Variants in CBY2 observed in about 807,000 individuals in gnomAD.
The protein encoded by CBY2 is protein chibby homolog 2.
Under a neutral mutation model 25.3 loss-of-function variants are expected in CBY2, and 23 were observed. The ratio of observed to expected loss-of-function variants is 0.91; its 90% CI spans 0.65 to 1.29. The LOEUF is 1.29. CBY2 is among the 50% of genes most tolerant of loss of function. CBY2 has a pLI of 0.00. For synonymous variants in CBY2, 279 were observed against 260.2 expected, an observed-to-expected ratio of 1.07 and a Z score of -0.70; for missense variants, 642 against 590.7, an observed-to-expected ratio of 1.09 and a Z score of -0.90.
At chr13:45,703,358 GC>G in intron 2 of CBY2, 1 of 1,434,650 alleles carries the variant, frequency 7.0e-7, no homozygotes, top group Non-Finnish European at 9.1e-7. Flanking sequence ...GGGCATAGAT[GC>G]TTTTTCAGTC....
intron 2 of CBY2, chr13:45,703,385 T>G (rs1950222184): frequency 6.9e-7 from 1 of 1,449,222 alleles, no homozygotes; most frequent in South Asian, 1.5e-5. Flanking sequence ...ATTGGTGAAG[T>G]CCTCACAGGC....
intron 2 of CBY2, among the ~76,000 whole-genome samples, chr13:45,708,170 T>C (rs6561249): frequency 0.048 from 7,383 of 152,242 alleles, 601 homozygotes; most frequent in African/African-American, 0.17. Flanking sequence ...ATTTCAAAAA[T>C]ATATGGGTTG....
rs988541347 is a variant in CBY2, at chr13:45,704,568, T to G, written c.156+1713T>G. Among the ~76,000 whole-genome samples, 1 of 152,086 alleles carries G rather than the reference T, an allele frequency of 6.6e-6. No homozygotes were observed. Among genetic ancestry groups the G allele is most frequent in the Non-Finnish European group, 1.5e-5 (1 of 68,012 alleles). ...CCACCAGGCCTGCGAGAGGGACCAGTGTGCTCACTCTACCTCCCTAAATGA... is the reference window on the plus strand; with the variant it reads ...CCACCAGGCCTGCGAGAGGGACCAGGGTGCTCACTCTACCTCCCTAAATGA... On this transcript the variant is annotated intron_variant, in intron 2 of 2. Coordinates refer to ENST00000310521, the MANE Select transcript of CBY2 (RefSeq NM_152719.3). This position sits in a 1 kb window ranked among gnomAD's most constrained non-coding sequence, Gnocchi z 4.1.
Position 45,713,356 on chromosome 13 carries a change from G to C in CBY2, c.331G>C (p.Asp111His), listed in dbSNP as rs534915627. 1.2e-6 allele frequency: 2 copies of C among 1,614,156 alleles called. No homozygotes were observed. The highest frequency in any genetic ancestry group is 4.5e-5 in the East Asian group (2 of 44,886). ...DPMERPMSQA[D>H]LELDYNPPRV... ...CATGGAGCGCCCCATGTCCCAGGCC[G>C]ACCTGGAGCTGGACTACAACCCGCC... The change falls in exon 3 of 3, where the codon GAC becomes CAC. Residue 111 changes from aspartate to histidine, a missense_variant. Physicochemically the swap from Asp to His is moderately conservative, Grantham distance 81. Coordinates refer to ENST00000310521, the MANE Select transcript of CBY2 (RefSeq NM_152719.3). The surrounding 1 kb of genome is among the most constrained non-coding windows in gnomAD (Gnocchi z 5.0).
At chr13:45,712,922 T>TAG (rs1351926429) in intron 2 of CBY2, among the ~76,000 whole-genome samples, 1 of 152,226 alleles carries the variant, frequency 6.6e-6, no homozygotes, top group Non-Finnish European at 1.5e-5. Flanking sequence ...CACAGGAACA[T>TAG]AGCCCTCTAT....
chr13:45,711,384 G>A (rs1161266006), intron 2 of CBY2, among the ~76,000 whole-genome samples: 1 of 152,104 alleles, frequency 6.6e-6, no homozygotes. Context: ...AATGTTGGAA[G>A]GTGCCTTTAA....
At chr13:45,705,398 C>T (rs1190928128) in intron 2 of CBY2, among the ~76,000 whole-genome samples, 1 of 152,234 alleles carries the variant, frequency 6.6e-6, no homozygotes, top group Non-Finnish European at 1.5e-5. Flanking sequence ...CAATAGCACC[C>T]TCCGGTGCCT....
intron 2 of CBY2, among the ~76,000 whole-genome samples, chr13:45,710,013 C>T (rs905180667): frequency 2.6e-5 from 4 of 152,278 alleles, no homozygotes; most frequent in African/African-American, 9.6e-5. Flanking sequence ...TCTTACATGT[C>T]AGTGTGGTGA....
chr13:45,710,256 G>T (rs1231223257), intron 2 of CBY2, among the ~76,000 whole-genome samples: 2 of 152,178 alleles, frequency 1.3e-5, no homozygotes, highest in Admixed American at 1.3e-4. Flanking sequence ...CAGGCACGGT[G>T]GCTCATGCCT....
chr13:45,714,468 C>A lies in CBY2; in HGVS notation c.*96C>A. Reference sequence around the variant, plus strand: ...CCTTTGTCGTCCTCGCCTTCCCCAGCCAGTTCGTACCTATTGAAAAGCAGC... The same window carrying A: ...CCTTTGTCGTCCTCGCCTTCCCCAGACAGTTCGTACCTATTGAAAAGCAGC... On this transcript the variant is annotated 3_prime_UTR_variant, in exon 3 of 3. Coordinates refer to ENST00000310521, the MANE Select transcript of CBY2 (RefSeq NM_152719.3). 9.4e-7 allele frequency: 1 copy of A among 1,058,924 alleles called. No individual in the cohort carries two copies. Among genetic ancestry groups the A allele is most frequent in the Non-Finnish European group, 1.3e-6 (1 of 747,018 alleles). 65.6% of individuals were successfully genotyped at this position (1,058,924 alleles called of 1,614,324 possible). A position where few individuals can be genotyped will look rare whatever the true frequency, so the allele number is the denominator to read the frequency against.
At chr13:45,706,442 C>A (rs1950240052) in intron 2 of CBY2, among the ~76,000 whole-genome samples, 1 of 152,196 alleles carries the variant, frequency 6.6e-6, no homozygotes, top group South Asian at 2.1e-4. Context: ...GAGCACATTT[C>A]CCCTGAGGAC....
chr13:45,704,203 C>T lies in CBY2; in HGVS notation c.156+1348C>T, dbSNP rs555201292. On this transcript the variant is annotated intron_variant, in intron 2 of 2. Coordinates refer to ENST00000310521, the MANE Select transcript of CBY2 (RefSeq NM_152719.3). This position sits in a 1 kb window ranked among gnomAD's most constrained non-coding sequence, Gnocchi z 4.1. Reference sequence around the variant, plus strand: ...TTGGAATGATGTTTCCATCAACACCCACCGCAACTTTCCCTCCCCAGCTCC... The same window carrying T: ...TTGGAATGATGTTTCCATCAACACCTACCGCAACTTTCCCTCCCCAGCTCC... 6.6e-6 allele frequency among the ~76,000 whole-genome samples: 1 copy of T among 152,160 alleles called. No individual in the cohort carries two copies. The highest frequency in any genetic ancestry group is 1.9e-4 in the East Asian group (1 of 5,162).
rs531215399 is a variant in CBY2 at position 45,710,418 on chromosome 13, G to A, written c.157-2764G>A. Among the ~76,000 whole-genome samples the A allele has an allele frequency of 7.2e-5, 11 of 152,280 alleles. No individual in the cohort carries two copies. In the East Asian group the frequency reaches 2.1e-3, roughly 29 times the overall value. ...CGCGCCTGTAGTCCCAGCTACTCTG[G>A]AGGCTGAGGCAGGAGAATTGCTTGA... On this transcript the variant is annotated intron_variant, in intron 2 of 2. Transcript: ENST00000310521.
chr13:45,706,627 C>T (rs1245615684), intron 2 of CBY2, among the ~76,000 whole-genome samples: 1 of 152,184 alleles, frequency 6.6e-6, no homozygotes, highest in Non-Finnish European at 1.5e-5. Flanking sequence ...AGAAAAGAGA[C>T]AATCTTTTAT....
At chr13:45,708,332 GC>G (rs1423117090) in intron 2 of CBY2, among the ~76,000 whole-genome samples, 1 of 152,198 alleles carries the variant, frequency 6.6e-6, no homozygotes, top group African/African-American at 2.4e-5. Context: ...ACACCTTGCT[GC>G]CTGCGTTAAT....
chr13:45,702,681 A>G (rs553663877), intron 1 of CBY2, 94 bp from the exon 2 acceptor site: 1 of 1,047,398 alleles, frequency 9.5e-7, no homozygotes, highest in African/African-American at 1.6e-5. Context: ...GAGAGAAATA[A>G]ATGAGTAGAA....
chr13:45,702,718 T>G (rs1950216914), intron 1 of CBY2, 57 bp from the exon 2 acceptor site: 25 of 1,394,880 alleles, frequency 1.8e-5, no homozygotes, highest in Non-Finnish European at 2.3e-5. Context: ...GGCGAGCAAT[T>G]GAGGCCCAGA....
At chr13:45,710,524 A>AAAC (rs938378848) in intron 2 of CBY2, among the ~76,000 whole-genome samples, 51 of 152,030 alleles carry the variant, frequency 3.4e-4, no homozygotes, top group South Asian at 6.2e-4. Context: ...CTCCGTCTCA[A>AAAC]AACAACAACA....
At position 45,702,367 on chromosome 13, in the gene CBY2, T is replaced by C. The variant is rs567378304; in HGVS notation, c.-24T>C. The C allele has an allele frequency of 1.6e-5, 26 of 1,609,642 alleles. No homozygotes were observed. Among genetic ancestry groups the C allele is most frequent in the Middle Eastern group, 1.6e-4 (1 of 6,078 alleles). On this transcript the variant is annotated 5_prime_UTR_variant, in exon 1 of 3. Coordinates refer to ENST00000310521, the MANE Select transcript of CBY2 (RefSeq NM_152719.3). ...ATGCTCAGAGAGAAACCATGAGCCCTGAAAAACACCATATTGTTTTGTGAT... is the reference window on the plus strand; with the variant it reads ...ATGCTCAGAGAGAAACCATGAGCCCCGAAAAACACCATATTGTTTTGTGAT...
Sources: allele counts gnomAD v4.1 joint callset (sites outside exome capture counted in the v4.1 genomes callset), GRCh38; gene constraint gnomAD v4.1.1; non-coding constraint Gnocchi (gnomAD v3.1); transcripts MANE v1.5; gene names NCBI Gene and HGNC (gene_info 2026-07-23, HGNC 2026-07-21).